Variants in PIP5KL1 observed in about 807,000 individuals in gnomAD.
PIP5KL1 encodes phosphatidylinositol-4-phosphate 5-kinase like 1.
PIP5KL1 carries 45 observed loss-of-function variants against 47.6 expected under a neutral mutation model. That is an observed-to-expected ratio of 0.94 (90% CI 0.74 to 1.21). The LOEUF (loss-of-function observed/expected upper bound fraction) is 1.21. Ranked by LOEUF, PIP5KL1 falls within the 50% of genes most tolerant of loss-of-function variation. PIP5KL1 has a pLI of 0.00. For missense variants in PIP5KL1, 577 were observed against 547.6 expected (o/e 1.05, Z -0.54); for synonymous variants, 256 against 234.6 (o/e 1.09, Z -0.84).
rs1446101277 is a variant in PIP5KL1 at position 127,920,948 on chromosome 9, A to G, written c.*899T>C. On this transcript the variant is annotated 3_prime_UTR_variant, in exon 10 of 10. Coordinates refer to ENST00000388747, the MANE Select transcript of PIP5KL1 (RefSeq NM_001135219.2). ...TCCATTCCTTCATTTTACAGATTAG[A>G]CCAGCGAGGCACAGAGAGGTTTAGC... The G allele has an allele frequency of 6.6e-6, 1 of 152,268 alleles. No homozygotes were observed. The highest frequency in any genetic ancestry group is 1.9e-4 in the East Asian group (1 of 5,200). The allele number at this position is 152,268 out of a possible 1,614,324, so 9.4% of individuals were successfully genotyped here. A position where few individuals can be genotyped will look rare whatever the true frequency, so the allele number is the denominator to read the frequency against.
Position 127,928,431 on chromosome 9 carries a change from A to G in PIP5KL1, c.279+2T>C. On this transcript the variant is annotated splice_donor_variant, in intron 3 of 9. Transcript: ENST00000388747. LOFTEE classifies it high-confidence loss of function. ...TCCCACACGGGAGTCTGGGCCTCCT[A>G]CCTCGTGAACCTGGGTTAGGACCTC... 6.3e-7 allele frequency: 1 copy of G among 1,598,564 alleles called. No individual in the cohort carries two copies. The highest frequency in any genetic ancestry group is 8.5e-7 in the Non-Finnish European group (1 of 1,173,944).
intron 9 of PIP5KL1, among the ~76,000 whole-genome samples, chr9:127,924,628 C>G (rs1049429164): frequency 1.3e-5 from 2 of 150,016 alleles, no homozygotes; most frequent in African/African-American, 4.9e-5. Context: ...TGCATTCCAG[C>G]CTGGGTGACA....
chr9:127,922,080 T>C lies in PIP5KL1; in HGVS notation c.952A>G (p.Arg318Gly), dbSNP rs1479303266. The C allele has an allele frequency of 6.4e-7, 1 of 1,557,972 alleles. No individual in the cohort carries two copies. The highest frequency in any genetic ancestry group is 8.7e-7 in the Non-Finnish European group (1 of 1,153,906). The change falls in exon 10 of 10, where the codon AGA becomes GGA. Residue 318 changes from arginine (R) to glycine (G), a missense_variant. By Grantham distance (125) the Arg-to-Gly change is moderately radical. Transcript: ENST00000388747. The part of the protein sequence containing the change: ...VQGAQSPEES[R>G]AQNRRLLPDA... ...GGCAGCAGCCGGCGGTTTTGGGCTC[T>C]CGACTCTTCCGGGCTCTGTGCCCCT...
chr9:127,924,960 G>A (rs911430712), intron 9 of PIP5KL1, 147 bp downstream of exon 9: 19 of 1,061,010 alleles, frequency 1.8e-5, no homozygotes, highest in East Asian at 9.9e-5. Flanking sequence ...ACACACGCGC[G>A]CACACGCACA....
At chr9:127,926,145 TTTTC>T (rs984673804) in intron 7 of PIP5KL1, among the ~76,000 whole-genome samples, 166 bp from the exon 8 acceptor site, 11 of 151,916 alleles carry the variant, frequency 7.2e-5, no homozygotes, top group Admixed American at 2.0e-4. Context: ...TCTTTCTCTC[TTTTC>T]TTTCTTTCTC....
chr9:127,928,999 A>AGCC (rs2131641515), intron 2 of PIP5KL1, among the ~76,000 whole-genome samples: 1 of 152,334 alleles, frequency 6.6e-6, no homozygotes, highest in African/African-American at 2.4e-5. Context: ...AAGTGGCTGA[A>AGCC]GCCAGTGAGG....
rs757897177 is a variant in PIP5KL1, at chr9:127,927,140, T to C, written c.650+13A>G. On this transcript the variant is annotated intron_variant, in intron 7 of 9. Coordinates refer to ENST00000388747, the MANE Select transcript of PIP5KL1 (RefSeq NM_001135219.2). This position sits in a 1 kb window ranked among gnomAD's most constrained non-coding sequence, Gnocchi z 5.5. ...GGCTGGGATGGGGGCCCAAACCTGC[T>C]TAGGCCACTCACCTCTCGGAGATGC... 8 of 1,606,552 alleles carry C rather than the reference T, an allele frequency of 5.0e-6. No individual in the cohort carries two copies. In the African/African-American group the frequency reaches 1.1e-4, roughly 21 times the overall value.
At chr9:127,925,444 G>C (rs1335790785) in intron 8 of PIP5KL1, 184 bp from the exon 9 acceptor site, 3 of 623,504 alleles carry the variant, frequency 4.8e-6, no homozygotes, top group East Asian at 2.9e-5. Context: ...ACTCTGCTCT[G>C]CCTGATTCCA....
intron 1 of PIP5KL1, among the ~76,000 whole-genome samples, chr9:127,930,460 G>T (rs1831419886): frequency 6.6e-6 from 1 of 152,224 alleles, no homozygotes; most frequent in Non-Finnish European, 1.5e-5. Flanking sequence ...ATGAGAGCTT[G>T]ACCTCCTAAC....
intron 7 of PIP5KL1, among the ~76,000 whole-genome samples, chr9:127,926,856 T>A (rs545462140): frequency 1.7e-4 from 26 of 152,328 alleles, no homozygotes; most frequent in Admixed American, 3.3e-4. Flanking sequence ...GCTCCCCACA[T>A]GTTAGCTGTG....
At chr9:127,926,104 AC>A (rs753768533) in intron 7 of PIP5KL1, 125 bp from the exon 8 acceptor site, 2 of 502,252 alleles carry the variant, frequency 4.0e-6, no homozygotes, top group African/African-American at 2.0e-5. Flanking sequence ...CCTCAGCACA[AC>A]CCTGGCCTGT....
At chr9:127,924,048 AG>A (rs1201088682) in intron 9 of PIP5KL1, among the ~76,000 whole-genome samples, 1 of 152,262 alleles carries the variant, frequency 6.6e-6, no homozygotes, top group Non-Finnish European at 1.5e-5. Flanking sequence ...TGGAATGACC[AG>A]CTAAAAAGGG....
intron 7 of PIP5KL1, 67 bp from the exon 8 acceptor site, chr9:127,926,046 C>T: frequency 9.0e-7 from 1 of 1,115,452 alleles, no homozygotes; most frequent in Non-Finnish European, 1.3e-6. Flanking sequence ...ACAAGAGCTT[C>T]CAGTGACTAC....
intron 3 of PIP5KL1, 80 bp from the exon 4 acceptor site, chr9:127,928,299 G>A (rs1306146851): frequency 2.0e-6 from 3 of 1,538,192 alleles, no homozygotes; most frequent in Non-Finnish European, 2.6e-6. Flanking sequence ...AGGAGGGTCA[G>A]GGTGACCACA....
At position 127,929,798 on chromosome 9, in the gene PIP5KL1, G is replaced by A. The variant is rs774107959; in HGVS notation, c.118C>T (p.Arg40Cys). Residue 40 changes from arginine to cysteine, a missense_variant, in exon 2 of 10, where the codon CGC (arginine) becomes TGC (cysteine). Physicochemically the swap from Arg to Cys is radical, Grantham distance 180. Transcript: ENST00000388747. The surrounding 1 kb of genome is among the most constrained non-coding windows in gnomAD (Gnocchi z 4.0). The part of the protein sequence containing the change: ...LLWRLRDKQS[R>C]LGLFEISPGH... ...GGGCTGATCTCAAACAGGCCCAGGC[G>A]AGACTGCTTGTCTCGGAGGCGCCAG... The A allele has an allele frequency of 4.5e-6, 7 of 1,555,656 alleles. No individual in the cohort carries two copies. The highest frequency in any genetic ancestry group is 3.6e-5 in the South Asian group (3 of 84,386).
In PIP5KL1 at chr9:127,925,297, C is replaced by A. The variant is rs765957386; in HGVS notation, c.764-37G>T. ...TCAGTGCCCCCACCTGAGCGCTCAT[C>A]ATGTGCCAGCCACGGTGCTCCACAC... On this transcript the variant is annotated intron_variant, in intron 8 of 9. Coordinates refer to ENST00000388747, the MANE Select transcript of PIP5KL1 (RefSeq NM_001135219.2). 9 of 1,602,726 alleles carry A rather than the reference C, an allele frequency of 5.6e-6. No homozygotes were observed. In the African/African-American group the frequency reaches 9.3e-5, roughly 17 times the overall value.
intron 1 of PIP5KL1, among the ~76,000 whole-genome samples, chr9:127,930,161 C>T (rs1831417370): frequency 1.3e-5 from 2 of 152,206 alleles, no homozygotes; most frequent in South Asian, 2.1e-4. Flanking sequence ...CTCTCACCAA[C>T]CTTGTGACCT....
At chr9:127,926,437 T>C (rs115733276) in intron 7 of PIP5KL1, among the ~76,000 whole-genome samples, 2,437 of 152,226 alleles carry the variant, frequency 0.016, 45 homozygotes, top group African/African-American at 0.056. Context: ...TTTCATTTTT[T>C]GTAGAGGCAG....
intron 9 of PIP5KL1, among the ~76,000 whole-genome samples, chr9:127,922,706 A>AAAG (rs1554720838): frequency 2.4e-4 from 35 of 146,276 alleles, no homozygotes; most frequent in South Asian, 8.4e-4. Flanking sequence ...AAAAAAAAAA[A>AAAG]AAAAAGAAAA....
Sources: gnomAD v4.1 joint callset for allele counts (sites outside exome capture counted in the v4.1 genomes callset) on GRCh38, gnomAD v4.1.1 for gene constraint, Gnocchi (gnomAD v3.1) non-coding constraint, MANE v1.5 for transcripts, NCBI Gene and HGNC (gene_info 2026-07-23, HGNC 2026-07-21) for gene names.